PARN: variants seen among roughly 807,000 people sequenced by gnomAD.
PARN encodes the protein poly(A)-specific ribonuclease, also known as poly(A)-specific ribonuclease PARN.
In PARN, 71 loss-of-function variants were observed where a neutral mutation model predicts 102.8. The ratio of observed to expected loss-of-function variants is 0.69; its 90% CI spans 0.57 to 0.84. The LOEUF is 0.84. Among genes scored for constraint, PARN ranks in the 40% least tolerant of loss-of-function variants. The pLI is 0.00. For missense variants in PARN, 782 were observed against 760.9 expected, an observed-to-expected ratio of 1.03 and a Z score of -0.33; for synonymous variants, 261 against 252.9, an observed-to-expected ratio of 1.03 and a Z score of -0.30.
intron 5 of PARN, 101 bp downstream of exon 5, chr16:14,627,005 C>T (rs1254575397): frequency 6.1e-5 from 43 of 703,696 alleles, no homozygotes; most frequent in Non-Finnish European, 2.8e-5. Flanking sequence ...AAATGATTTG[C>T]CCCAAAGCCC....
intron 21 of PARN, among the ~76,000 whole-genome samples, chr16:14,547,004 A>T (rs886885367): frequency 6.6e-6 from 1 of 151,762 alleles, no homozygotes; most frequent in African/African-American, 2.4e-5. Context: ...GAGGCAGGAG[A>T]ATTGCTTGAA....
rs182753748 is a variant in PARN, at chr16:14,584,421, T to G, written c.1007A>C (p.Asp336Ala). Residue 336 changes from aspartate (D) to alanine (A), a missense_variant and splice_region_variant, in exon 16 of 24, where the codon GAT becomes GCT. Physicochemically the swap from Asp to Ala is moderately radical, Grantham distance 126. Transcript: ENST00000437198. Reference protein sequence around the residue: ...KLMASTQPFKDIINNTSLAEL... With the variant: ...KLMASTQPFKAIINNTSLAEL... ...CGCAAGGGATGTGTTGTTAATGATA[T>G]CCTGCAAACCACGAAGCAAAGAATT... The G allele has an allele frequency of 6.2e-7, 1 of 1,611,822 alleles. No individual in the cohort carries two copies. Among genetic ancestry groups the G allele is most frequent in the Admixed American group, 1.7e-5 (1 of 59,994 alleles).
At chr16:14,466,810 T>TATAC (rs5816006) in intron 22 of PARN, among the ~76,000 whole-genome samples, 18,672 of 152,200 alleles carry the variant, frequency 0.12, 1,178 homozygotes, top group East Asian at 0.24. Context: ...TAACCCTGTA[T>TATAC]GTTTCTGAAG....
chr16:14,438,851 T>C (rs1459854968), intron 23 of PARN, among the ~76,000 whole-genome samples: 1 of 152,242 alleles, frequency 6.6e-6, no homozygotes, highest in East Asian at 1.9e-4. Context: ...GTAGGAGCCA[T>C]CTACAGGAGA....
rs1280430360 is a variant in PARN at position 14,496,125 on chromosome 16, C to T, written c.1481-13298G>A. 3.9e-5 allele frequency among the ~76,000 whole-genome samples: 6 copies of T among 152,334 alleles called. No homozygotes were observed. The East Asian group carries it at 7.7e-4, about 20-fold the overall frequency. ...AATTCTCCTTCCATGGCCAGGCAAA[C>T]AGGGGCCGAGAGAGGTTGAGTGGCC... On this transcript the variant is annotated intron_variant, in intron 21 of 23. Transcript: ENST00000437198.
intron 21 of PARN, among the ~76,000 whole-genome samples, chr16:14,519,949 C>T (rs1965652448): frequency 6.6e-6 from 1 of 151,930 alleles, no homozygotes; most frequent in African/African-American, 2.4e-5. Flanking sequence ...ATAAATCACA[C>T]ACAAAAAGAG....
rs768398246 is a variant in PARN, at chr16:14,629,618, C to T, written c.76G>A (p.Ala26Thr). ...ATACCTGAAAACTCCCCATCGATGG[C>T]GAAGAAGTCGGCCTCCTCTATGGCC... ...YQAIEEADFF[A>T]IDGEFSGISD... is the part of the protein sequence containing the mutation. The change falls in exon 2 of 24, where the codon GCC becomes ACC. Residue 26 changes from alanine (A) to threonine (T), a missense_variant. Physicochemically the swap from Ala to Thr is moderately conservative, Grantham distance 58. Transcript: ENST00000437198. 8.1e-6 allele frequency: 13 copies of T among 1,613,154 alleles called. No homozygotes were observed. The highest frequency in any genetic ancestry group is 3.3e-4 in the Middle Eastern group (2 of 6,054).
chr16:14,517,625 T>TA (rs999124817), intron 21 of PARN, among the ~76,000 whole-genome samples: 15 of 152,360 alleles, frequency 9.8e-5, no homozygotes, highest in African/African-American at 3.6e-4. Flanking sequence ...GCTTATATGC[T>TA]AAAAAACAGA....
chr16:14,494,108 T>C (rs1444175949), intron 21 of PARN, among the ~76,000 whole-genome samples: 2 of 152,186 alleles, frequency 1.3e-5, no homozygotes, highest in Admixed American at 6.5e-5. Context: ...GGGCCTCTCA[T>C]ACCCACACGT....
intron 21 of PARN, among the ~76,000 whole-genome samples, chr16:14,526,723 A>C (rs1260939046): frequency 6.6e-6 from 1 of 152,222 alleles, no homozygotes; most frequent in Non-Finnish European, 1.5e-5. Context: ...CAAATTCAAC[A>C]GTTGTAGCCA....
At chr16:14,467,118 TCA>T (rs1340835061) in intron 22 of PARN, among the ~76,000 whole-genome samples, 1 of 152,248 alleles carries the variant, frequency 6.6e-6, no homozygotes, top group Non-Finnish European at 1.5e-5. Flanking sequence ...TTCTAAATTC[TCA>T]CAGTTTCATT....
At chr16:14,606,769 T>C (rs903183239) in intron 9 of PARN, among the ~76,000 whole-genome samples, 11 of 152,012 alleles carry the variant, frequency 7.2e-5, no homozygotes, top group Middle Eastern at 3.4e-3. Context: ...TTTTAGGACT[T>C]AGGTATTTTC....
At chr16:14,545,998 A>G (rs1966911633) in intron 21 of PARN, among the ~76,000 whole-genome samples, 1 of 152,240 alleles carries the variant, frequency 6.6e-6, no homozygotes, top group South Asian at 2.1e-4. Context: ...AGACAATATC[A>G]AACAATACAG....
intron 18 of PARN, among the ~76,000 whole-genome samples, chr16:14,562,912 C>T (rs987977446): frequency 4.6e-5 from 7 of 152,228 alleles, no homozygotes; most frequent in Non-Finnish European, 1.0e-4. Context: ...TATGATGACA[C>T]AATGGCTTGC....
At chr16:14,535,188 C>T (rs1966559469) in intron 21 of PARN, among the ~76,000 whole-genome samples, 1 of 152,166 alleles carries the variant, frequency 6.6e-6, no homozygotes. Flanking sequence ...CCTGAAAGTA[C>T]TCACTAACCT....
chr16:14,464,888 C>T (rs1241312316), intron 22 of PARN, among the ~76,000 whole-genome samples: 3 of 152,178 alleles, frequency 2.0e-5, no homozygotes, highest in Non-Finnish European at 4.4e-5. Flanking sequence ...GATACCTCAT[C>T]TCTAAAGAAA....
intron 21 of PARN, among the ~76,000 whole-genome samples, chr16:14,488,780 A>C (rs142124868): frequency 3.1e-4 from 47 of 152,342 alleles, no homozygotes; most frequent in African/African-American, 1.1e-3. Flanking sequence ...TTTGGAAAAC[A>C]AGTTAGTGTT....
At chr16:14,443,026 CAT>C (rs1961015876) in intron 23 of PARN, among the ~76,000 whole-genome samples, 2 of 152,250 alleles carry the variant, frequency 1.3e-5, no homozygotes, top group South Asian at 4.1e-4. Context: ...CAGCCTCCCA[CAT>C]GTCAGTTAGA....
rs994507580 is a variant in PARN at position 14,596,471 on chromosome 16, G to A, written c.841-3093C>T. ...GGGAAAGGGCTGGGTGTGGTGGCTC[G>A]TGCCTATAATCCAAATACTTTGGGA... On this transcript the variant is annotated intron_variant, in intron 12 of 23. Coordinates refer to ENST00000437198, the MANE Select transcript of PARN (RefSeq NM_002582.4). Among the ~76,000 whole-genome samples, 9 of 151,866 alleles carry A rather than the reference G, an allele frequency of 5.9e-5. No individual in the cohort carries two copies. In the South Asian group the frequency reaches 6.2e-4, roughly 11 times the overall value.
Sources: gnomAD v4.1 joint callset for allele counts (sites outside exome capture counted in the v4.1 genomes callset) on GRCh38, gnomAD v4.1.1 for gene constraint, MANE v1.5 for transcripts, NCBI Gene and HGNC (gene_info 2026-07-23, HGNC 2026-07-21) for gene names.